MSI2: variants seen among roughly 807,000 people sequenced by gnomAD.
MSI2 encodes RNA-binding protein Musashi homolog 2.
A neutral mutation model predicts 45.6 loss-of-function variants in MSI2; 17 were observed. That is an observed-to-expected ratio of 0.37 (90% confidence interval 0.26 to 0.56). The LOEUF (loss-of-function observed/expected upper bound fraction) is 0.56, where lower values mean the gene tolerates loss of function less well. Ranked by LOEUF, MSI2 falls within the 20% of genes least tolerant of loss-of-function variation. MSI2 has a pLI of 0.77. For missense variants in MSI2, 293 were observed against 444.2 expected, an observed-to-expected ratio of 0.66 and a Z score of 3.06; for synonymous variants, 156 against 158.2, an observed-to-expected ratio of 0.99 and a Z score of 0.11.
At chr17:57,641,430 A>G (rs550085250) in intron 10 of MSI2, among the ~76,000 whole-genome samples, 80 of 152,278 alleles carry the variant, frequency 5.3e-4, no homozygotes, top group African/African-American at 1.1e-3. Flanking sequence ...GCAGGCATGG[A>G]GAAGGAACCC....
rs970456790 is a variant in MSI2 at position 57,681,052 on chromosome 17, T to C, written c.*1535T>C. On this transcript the variant is annotated 3_prime_UTR_variant, in exon 14 of 14. Coordinates refer to ENST00000284073, the MANE Select transcript of MSI2 (RefSeq NM_138962.4). ...GCTGCAAGTATCACCAGAGAGGCTA[T>C]GGAAGAATTTTTTTTTAATTTATTG... 2.7e-5 allele frequency: 5 copies of C among 185,110 alleles called. No homozygotes were observed. The highest frequency in any genetic ancestry group is 2.6e-4 in the East Asian group (3 of 11,458). The allele number at this position is 185,110 out of a possible 1,614,324, so 11.5% of individuals were successfully genotyped here.
chr17:57,644,659 T>A (rs1910515924), intron 10 of MSI2, among the ~76,000 whole-genome samples: 1 of 152,184 alleles, frequency 6.6e-6, no homozygotes, highest in South Asian at 2.1e-4. Context: ...GCCAAGAATG[T>A]TTGAACCATC....
At chr17:57,329,862 T>C in intron 5 of MSI2, among the ~76,000 whole-genome samples, 1 of 152,190 alleles carries the variant, frequency 6.6e-6, no homozygotes, top group Non-Finnish European at 1.5e-5. Flanking sequence ...TTAAGGTCCA[T>C]TTATAAAATT....
At chr17:57,301,432 C>T (rs17833955) in intron 5 of MSI2, among the ~76,000 whole-genome samples, 14,728 of 152,246 alleles carry the variant, frequency 0.097, 937 homozygotes, top group Non-Finnish European at 0.14. Flanking sequence ...GTGAGATCTC[C>T]GTGTAAATAG....
rs146293930 is a variant in MSI2 at position 57,380,536 on chromosome 17, G to C, written c.313-20843G>C. On this transcript the variant is annotated intron_variant, in intron 5 of 13. Coordinates refer to ENST00000284073, the MANE Select transcript of MSI2 (RefSeq NM_138962.4). ...GGAGAGTGAAGCGGGGGCAAGCTGGGGGACCTGTAAGTGCCCACTGGGATT... is the reference window on the plus strand; with the variant it reads ...GGAGAGTGAAGCGGGGGCAAGCTGGCGGACCTGTAAGTGCCCACTGGGATT... Among the ~76,000 whole-genome samples, 3 of 152,314 alleles carry C rather than the reference G, an allele frequency of 2.0e-5. No individual in the cohort carries two copies. In the East Asian group the frequency reaches 5.8e-4, roughly 29 times the overall value.
chr17:57,369,900 G>A (rs1014720150), intron 5 of MSI2, among the ~76,000 whole-genome samples: 2 of 152,222 alleles, frequency 1.3e-5, no homozygotes, highest in Non-Finnish European at 2.9e-5. Context: ...ATAGTCTGGA[G>A]TGGTTTCCAG....
At chr17:57,376,413 G>A (rs1329145539) in intron 5 of MSI2, among the ~76,000 whole-genome samples, 2 of 152,180 alleles carry the variant, frequency 1.3e-5, no homozygotes, top group Non-Finnish European at 2.9e-5. Flanking sequence ...GCAAGCTGGT[G>A]TCCACTTGGA....
At chr17:57,452,357 C>T (rs1024258760) in intron 6 of MSI2, among the ~76,000 whole-genome samples, 4 of 152,252 alleles carry the variant, frequency 2.6e-5, no homozygotes, top group Non-Finnish European at 5.9e-5. Context: ...CCTGTCCATC[C>T]TCACAGAGGG....
At chr17:57,408,268 G>T (rs1053624723) in intron 6 of MSI2, among the ~76,000 whole-genome samples, 1 of 152,186 alleles carries the variant, frequency 6.6e-6, no homozygotes, top group Non-Finnish European at 1.5e-5. Context: ...ATAAAATATA[G>T]CCAGCTGTTG....
chr17:57,603,262 G>A (rs1042254391), intron 8 of MSI2, among the ~76,000 whole-genome samples: 2 of 152,220 alleles, frequency 1.3e-5, no homozygotes, highest in African/African-American at 2.4e-5. Context: ...CAGAAGACAC[G>A]TGAGGCATGC....
At position 57,416,982 on chromosome 17, in the gene MSI2, G is replaced by A. The variant is rs76423506; in HGVS notation, c.405+15511G>A. 6.1e-3 allele frequency among the ~76,000 whole-genome samples: 925 copies of A among 152,322 alleles called. 16 individuals are homozygous for A. Among genetic ancestry groups the A allele is most frequent in the African/African-American group, 0.021 (861 of 41,584 alleles). On this transcript the variant is annotated intron_variant, in intron 6 of 13. Transcript: ENST00000284073. ...GGTGCCCACCCATGTGGGGCTTGTGGTCAAGGAGCAGAGATGGTGGTAAGC... is the reference window on the plus strand; with the variant it reads ...GGTGCCCACCCATGTGGGGCTTGTGATCAAGGAGCAGAGATGGTGGTAAGC...
At chr17:57,597,095 C>T in intron 8 of MSI2, 145 bp downstream of exon 8, 1 of 617,634 alleles carries the variant, frequency 1.6e-6, no homozygotes, top group Non-Finnish European at 2.9e-6. Context: ...GGCCTGTGAA[C>T]AGTAGCAGTT....
rs553754626 is a variant in MSI2, at chr17:57,379,482, T to C, written c.313-21897T>C. Among the ~76,000 whole-genome samples, 40 of 135,610 alleles carry C rather than the reference T, an allele frequency of 2.9e-4. No homozygotes were observed. In the South Asian group the frequency reaches 7.4e-3, roughly 25 times the overall value. 89.0% of individuals were successfully genotyped at this position (135,610 alleles called of 152,430 possible). ...GGTTGTTTTTTCGTTTTCTTTCTTC[T>C]TTTTTTTTTTTTTTGCTTTGTCATC... On this transcript the variant is annotated intron_variant, in intron 5 of 13. Transcript: ENST00000284073.
intron 6 of MSI2, among the ~76,000 whole-genome samples, chr17:57,519,756 C>CA (rs981909355): frequency 6.6e-6 from 1 of 152,072 alleles, no homozygotes; most frequent in Non-Finnish European, 1.5e-5. Flanking sequence ...CTTAGGGATT[C>CA]AAAAAACAGA....
chr17:57,340,168 G>A (rs1296769121), intron 5 of MSI2, among the ~76,000 whole-genome samples: 1 of 152,162 alleles, frequency 6.6e-6, no homozygotes, highest in African/African-American at 2.4e-5. Flanking sequence ...CTCTGAGAAA[G>A]GTATTATTCT....
At chr17:57,403,933 G>GTGCACACACA (rs397743101) in intron 6 of MSI2, among the ~76,000 whole-genome samples, 5 of 149,082 alleles carry the variant, frequency 3.4e-5, no homozygotes, top group African/African-American at 1.2e-4. Context: ...GAATGAATGT[G>GTGCACACACA]CACACACACA....
chr17:57,595,117 G>A (rs1319288312), intron 7 of MSI2, among the ~76,000 whole-genome samples: 1 of 152,168 alleles, frequency 6.6e-6, no homozygotes, highest in African/African-American at 2.4e-5. Flanking sequence ...GTTTCCTGGT[G>A]TTCCTTGGAA....
chr17:57,616,281 A>ATGTG (rs141665856), intron 9 of MSI2, 197 bp downstream of exon 9: 99 of 480,084 alleles, frequency 2.1e-4, no homozygotes, highest in African/African-American at 1.2e-3. Flanking sequence ...GTGTGCATGC[A>ATGTG]TGTGTGTGTG....
intron 8 of MSI2, among the ~76,000 whole-genome samples, chr17:57,599,841 T>G (rs1905671008): frequency 6.6e-6 from 1 of 152,120 alleles, no homozygotes; most frequent in Admixed American, 6.5e-5. Flanking sequence ...TGATACTGCC[T>G]CATTGGGTTG....
Sources: allele counts gnomAD v4.1 joint callset (sites outside exome capture counted in the v4.1 genomes callset), GRCh38; gene constraint gnomAD v4.1.1; transcripts MANE v1.5; gene names NCBI Gene and HGNC (gene_info 2026-07-23, HGNC 2026-07-21).